The following TUBG1 variants were observed in gnomAD, a reference collection of about 807,000 sequenced individuals.
The protein encoded by TUBG1 is tubulin gamma 1.
TUBG1 carries 22 observed loss-of-function variants against 53.3 expected under a neutral mutation model. The ratio of observed to expected loss-of-function variants is 0.41; its 90% CI spans 0.29 to 0.59. The LOEUF is 0.59. Among genes scored for constraint, TUBG1 ranks in the 20% least tolerant of loss-of-function variants. The probability of loss-of-function intolerance (pLI) is 0.26; values close to 1 mark genes in which losing one functional copy is unlikely to be tolerated. For synonymous variants in TUBG1, 198 were observed against 236.7 expected (o/e 0.84, Z 1.50); for missense variants, 217 against 598.9 (o/e 0.36, Z 6.66).
Position 42,612,411 on chromosome 17 carries a change from C to T in TUBG1, c.400-16C>T. On this transcript the variant is annotated splice_polypyrimidine_tract_variant and intron_variant, in intron 4 of 10. Coordinates refer to ENST00000251413, the MANE Select transcript of TUBG1 (RefSeq NM_001070.5). The stretch of plus-strand genomic sequence containing the variant: ...CCACTAGATACCTGTACACTGACTG[C>T]CCCTTCCCCATGCAGGGCTTTGTGC... The T allele has an allele frequency of 1.2e-6, 2 of 1,613,428 alleles. No individual in the cohort carries two copies. Among genetic ancestry groups the T allele is most frequent in the South Asian group, 1.1e-5 (1 of 91,020 alleles).
At position 42,614,744 on chromosome 17, in the gene TUBG1, C is replaced by CT; in HGVS notation, c.1158+93dup. Reference sequence around the variant, plus strand: ...CTGCATCTGCTGGCCCTGCTTCTAGCTTTTTTGCTGTGGGCATAGCCCAGC... The same window carrying CT: ...CTGCATCTGCTGGCCCTGCTTCTAGCTTTTTTTGCTGTGGGCATAGCCCAGC... On this transcript the variant is annotated intron_variant, in intron 10 of 10. Coordinates refer to ENST00000251413, the MANE Select transcript of TUBG1 (RefSeq NM_001070.5). This position sits in a 1 kb window ranked among gnomAD's most constrained non-coding sequence, Gnocchi z 5.1. The CT allele has an allele frequency of 1.2e-6, 2 of 1,604,548 alleles. No homozygotes were observed. The highest frequency in any genetic ancestry group is 4.5e-5 in the East Asian group (2 of 44,742).
In TUBG1 at chr17:42,613,886, G is replaced by T; in HGVS notation, c.731G>T (p.Arg244Leu). Residue 244 changes from arginine (R) to leucine (L), a missense_variant, in exon 8 of 11, where the codon CGC becomes CTC. By Grantham distance (102) the Arg-to-Leu change is moderately radical. Around this residue, in one of 4 missense-constraint regions of TUBG1, gnomAD observed 135 missense variants for 371.2 expected, o/e 0.36. Transcript: ENST00000251413. ...TIMSASTTTLRYPGYMNNDLI... is the reference protein window; with the variant it reads ...TIMSASTTTLLYPGYMNNDLI... ...ATGTCAGCCAGCACCACCACCCTGC[G>T]CTACCCTGGCTACATGAACAATGAC... is the stretch of plus-strand genomic sequence containing the variant. 6.2e-7 allele frequency: 1 copy of T among 1,614,144 alleles called. No individual in the cohort carries two copies. The highest frequency in any genetic ancestry group is 8.5e-7 in the Non-Finnish European group (1 of 1,180,028).
At position 42,613,694 on chromosome 17, in the gene TUBG1, G is replaced by A. The variant is rs201417660; in HGVS notation, c.654G>A (p.Leu218=). Residue 218 remains leucine (L), a synonymous_variant, in exon 7 of 11, where the codon CTG becomes CTA. Transcript: ENST00000251413. ...TALNRIATDR[L]HIQNPSFSQI... is the part of the protein sequence containing the mutation. ...TGAACCGGATTGCCACAGACCGCCT[G>A]CACATCCAGAACCCATCCTTCTCCC... 3.4e-4 allele frequency: 547 copies of A among 1,614,082 alleles called. 4 individuals are homozygous for A. The Admixed American group carries it at 8.9e-3, about 26-fold the overall frequency.
chr17:42,610,665 A>G (rs2143448914), intron 3 of TUBG1, 75 bp downstream of exon 3: 1 of 1,600,180 alleles, frequency 6.2e-7, no homozygotes, highest in Admixed American at 1.7e-5. Flanking sequence ...GAAGAGAGGG[A>G]AAACCGGATC....
In TUBG1 at chr17:42,609,755, C is replaced by A; in HGVS notation, c.18C>A (p.Ile6=). MPREI[I]TLQLGQCGNQ... ...GAGGAGCGATGCCGAGGGAAATCAT[C>A]ACCCTACAGTTGGGCCAGTGCGGCA... Residue 6 remains isoleucine, a synonymous_variant, in exon 1 of 11, where the codon ATC becomes ATA. Transcript: ENST00000251413. The A allele has an allele frequency of 6.4e-7, 1 of 1,551,284 alleles. No individual in the cohort carries two copies. The highest frequency in any genetic ancestry group is 8.7e-7 in the Non-Finnish European group (1 of 1,146,792).
chr17:42,611,999 A>G, intron 3 of TUBG1, 76 bp from the exon 4 acceptor site: 1 of 1,388,274 alleles, frequency 7.2e-7, no homozygotes. Context: ...TATAAGGAGA[A>G]TTGAGGGTGG....
In TUBG1 at chr17:42,614,244, C is replaced by A. The variant is rs377687897; in HGVS notation, c.844-16C>A. 4.3e-6 allele frequency: 7 copies of A among 1,613,814 alleles called. No individual in the cohort carries two copies. The highest frequency in any genetic ancestry group is 1.7e-4 in the Middle Eastern group (1 of 6,024). On this transcript the variant is annotated splice_polypyrimidine_tract_variant and intron_variant, in intron 8 of 10. Transcript: ENST00000251413. The surrounding 1 kb of genome is among the most constrained non-coding windows in gnomAD (Gnocchi z 5.1). ...CCCTGAGCGCTGGCCGGGTCCCTGT[C>A]TCACTGTCCTATCAGGTGGCCAGCG...
Position 42,614,675 on chromosome 17 carries a change from C to T in TUBG1, c.1158+18C>T, listed in dbSNP as rs757675568. On this transcript the variant is annotated intron_variant, in intron 10 of 10. Transcript: ENST00000251413. This position sits in a 1 kb window ranked among gnomAD's most constrained non-coding sequence, Gnocchi z 5.1. ...TCTCCTCGGTGAGTCTCAAAGTTTG[C>T]ACCTTTTTTCCCTGAATCAGTTTCC... 2 of 1,613,284 alleles carry T rather than the reference C, an allele frequency of 1.2e-6. No individual in the cohort carries two copies. The highest frequency in any genetic ancestry group is 1.7e-6 in the Non-Finnish European group (2 of 1,179,354).
At position 42,612,934 on chromosome 17, in the gene TUBG1, C is replaced by T; in HGVS notation, c.480-13C>T. ...CGGTCTGTTGCCCTGATCCTTTCCCCAACCCCCACCAGGTATCCTAAGAAG... is the reference window on the plus strand; with the variant it reads ...CGGTCTGTTGCCCTGATCCTTTCCCTAACCCCCACCAGGTATCCTAAGAAG... On this transcript the variant is annotated splice_polypyrimidine_tract_variant and intron_variant, in intron 5 of 10. Transcript: ENST00000251413. 1.9e-6 allele frequency: 3 copies of T among 1,613,738 alleles called. No individual in the cohort carries two copies. Among genetic ancestry groups the T allele is most frequent in the East Asian group, 2.2e-5 (1 of 44,880 alleles).
At chr17:42,613,527 T>C in intron 6 of TUBG1, 120 bp from the exon 7 acceptor site, 1 of 1,499,296 alleles carries the variant, frequency 6.7e-7, no homozygotes. Flanking sequence ...TGCAAATCTC[T>C]TTCCAGTGAG....
At chr17:42,612,045 C>A in intron 3 of TUBG1, 30 bp from the exon 4 acceptor site, 1 of 1,611,480 alleles carries the variant, frequency 6.2e-7, no homozygotes. Flanking sequence ...TGGTTCTGTC[C>A]CACTCTGACC....
chr17:42,615,088 C>T lies in TUBG1; in HGVS notation c.*47C>T, dbSNP rs1021792139. 3.8e-6 allele frequency: 6 copies of T among 1,598,182 alleles called. No individual in the cohort carries two copies. The highest frequency in any genetic ancestry group is 5.1e-6 in the Non-Finnish European group (6 of 1,168,184). On this transcript the variant is annotated 3_prime_UTR_variant, in exon 11 of 11. Transcript: ENST00000251413. ...CATCTGCCTTACTGGTTGGCCCAAGCCCTGCCTGACTGACCACCCCCTCAG... is the reference window on the plus strand; with the variant it reads ...CATCTGCCTTACTGGTTGGCCCAAGTCCTGCCTGACTGACCACCCCCTCAG...
chr17:42,612,856 A>G, intron 5 of TUBG1, 91 bp from the exon 6 acceptor site: 1 of 1,550,752 alleles, frequency 6.4e-7, no homozygotes, highest in Non-Finnish European at 8.7e-7. Context: ...TTCGCCATCA[A>G]GATTTATCTG....
intron 6 of TUBG1, 135 bp downstream of exon 6, chr17:42,613,208 G>C: frequency 7.2e-7 from 1 of 1,381,436 alleles, no homozygotes; most frequent in South Asian, 1.4e-5. Flanking sequence ...CCATCACTTT[G>C]GGAGGCCAAG....
At chr17:42,613,319 A>G (rs915235389) in intron 6 of TUBG1, among the ~76,000 whole-genome samples, 1 of 152,050 alleles carries the variant, frequency 6.6e-6, no homozygotes, top group South Asian at 2.1e-4. Flanking sequence ...GAGTGGTGAT[A>G]TGTGCAGAAG....
rs754672825 is a variant in TUBG1 at position 42,612,938 on chromosome 17, C to T, written c.480-9C>T. 3 of 1,613,738 alleles carry T rather than the reference C, an allele frequency of 1.9e-6. No individual in the cohort carries two copies. The highest frequency in any genetic ancestry group is 2.5e-6 in the Non-Finnish European group (3 of 1,179,872). On this transcript the variant is annotated splice_polypyrimidine_tract_variant and intron_variant, in intron 5 of 10. Coordinates refer to ENST00000251413, the MANE Select transcript of TUBG1 (RefSeq NM_001070.5). The stretch of plus-strand genomic sequence containing the variant: ...CTGTTGCCCTGATCCTTTCCCCAAC[C>T]CCCACCAGGTATCCTAAGAAGCTGG...
intron 3 of TUBG1, among the ~76,000 whole-genome samples, chr17:42,611,792 G>A (rs2052035972): frequency 6.6e-6 from 1 of 152,104 alleles, no homozygotes; most frequent in East Asian, 1.9e-4. Context: ...GGAGACGGAG[G>A]TTGCCATGAG....
At chr17:42,611,796 C>T (rs1174665827) in intron 3 of TUBG1, among the ~76,000 whole-genome samples, 2 of 152,068 alleles carry the variant, frequency 1.3e-5, no homozygotes, top group East Asian at 3.9e-4. Context: ...ACGGAGGTTG[C>T]CATGAGCCAA....
chr17:42,612,394 T>A (rs761698235), intron 4 of TUBG1, 33 bp from the exon 5 acceptor site: 10 of 1,606,706 alleles, frequency 6.2e-6, no homozygotes, highest in Middle Eastern at 1.7e-4. Flanking sequence ...TGCCACTAGA[T>A]ACCTGTACAC....
Sources: gnomAD v4.1 joint callset for allele counts (sites outside exome capture counted in the v4.1 genomes callset) on GRCh38, gnomAD v4.1.1 for gene constraint, gnomAD v4.1.1 regional missense constraint, Gnocchi (gnomAD v3.1) non-coding constraint, MANE v1.5 for transcripts, NCBI Gene and HGNC (gene_info 2026-07-23, HGNC 2026-07-21) for gene names.